The following ZNF182 variants were observed in gnomAD, a reference collection of about 807,000 sequenced individuals.
ZNF182 encodes the protein zinc finger protein 182.
ZNF182 carries 10 observed loss-of-function variants against 28.1 expected under a neutral mutation model. The ratio of observed to expected loss-of-function variants is 0.36; its 90% CI spans 0.22 to 0.60. The LOEUF is 0.60. Ranked by LOEUF, ZNF182 falls within the 20% of genes least tolerant of loss-of-function variation. The probability of loss-of-function intolerance (pLI) is 0.75; values close to 1 mark genes in which losing one functional copy is unlikely to be tolerated. For missense variants in ZNF182, 352 were observed against 453.2 expected, an observed-to-expected ratio of 0.78 and a Z score of 2.03; for synonymous variants, 156 against 158.7, an observed-to-expected ratio of 0.98 and a Z score of 0.13.
At chrX:47,995,337 T>TA (rs1388734394) in intron 3 of ZNF182, among the ~76,000 whole-genome samples, 10 of 109,403 alleles carry the variant, frequency 9.1e-5, no homozygotes, top group African/African-American at 2.7e-4. Context: ...GTCTCAAAAA[T>TA]AAAAAAAAGA....
intron 3 of ZNF182, among the ~76,000 whole-genome samples, chrX:47,991,427 T>C (rs1359863210): frequency 2.7e-5 from 3 of 112,269 alleles, no homozygotes; most frequent in Non-Finnish European, 5.6e-5. Context: ...AAATGACTAA[T>C]ACAATAATCT....
At chrX:47,980,484 T>C (rs1556898977) in intron 5 of ZNF182, among the ~76,000 whole-genome samples, 1 of 112,112 alleles carries the variant, frequency 8.9e-6, no homozygotes, top group African/African-American at 3.2e-5. Context: ...ATATTTGATG[T>C]GATGAATATA....
At chrX:47,988,162 C>T (rs888273924) in intron 3 of ZNF182, among the ~76,000 whole-genome samples, 1 of 110,531 alleles carries the variant, frequency 9.0e-6, no homozygotes, top group Non-Finnish European at 1.9e-5. Flanking sequence ...ACTAAAAATA[C>T]AAAAATTAGC....
At chrX:47,987,752 C>T (rs1191746809) in intron 3 of ZNF182, among the ~76,000 whole-genome samples, 1 of 111,794 alleles carries the variant, frequency 8.9e-6, no homozygotes, top group African/African-American at 3.3e-5. Context: ...ACCGAAAGGG[C>T]CTAGAAGTAA....
chrX:47,982,465 T>C lies in ZNF182; in HGVS notation c.232+484A>G, dbSNP rs2058909252. On this transcript the variant is annotated intron_variant, in intron 5 of 5. Transcript: ENST00000376943. ...CTTCAAAAGGGTGAATTTTATGATATGTGAATTATATCTCAATAAAGCTAC... is the reference window on the plus strand; with the variant it reads ...CTTCAAAAGGGTGAATTTTATGATACGTGAATTATATCTCAATAAAGCTAC... Among the ~76,000 whole-genome samples the C allele has an allele frequency of 2.7e-5, 3 of 112,310 alleles. No homozygotes were observed. The Admixed American group carries it at 2.8e-4, about 11-fold the overall frequency.
chrX:47,994,276 G>A (rs920431105), intron 3 of ZNF182, among the ~76,000 whole-genome samples: 5 of 112,398 alleles, frequency 4.4e-5, no homozygotes, highest in African/African-American at 1.3e-4. Context: ...AACAAAAAGG[G>A]ACTGTCTACC....
chrX:47,990,989 GAACA>G (rs2058939533), intron 3 of ZNF182, among the ~76,000 whole-genome samples: 1 of 111,688 alleles, frequency 9.0e-6, no homozygotes, highest in Non-Finnish European at 1.9e-5. Flanking sequence ...ATCAATAAGG[GAACA>G]AATAAAAGAA....
Position 47,983,277 on chromosome X carries a change from A to T in ZNF182, c.142+8T>A, listed in dbSNP as rs782331652. On this transcript the variant is annotated splice_region_variant and intron_variant, in intron 4 of 5. Transcript: ENST00000376943. ...AACTGCAAAATTACCTAAGGAAGCTATTCTTACCCACAAAGACCAAGTTGC... is the reference window on the plus strand; with the variant it reads ...AACTGCAAAATTACCTAAGGAAGCTTTTCTTACCCACAAAGACCAAGTTGC... 8.3e-7 allele frequency: 1 copy of T among 1,211,390 alleles called. No homozygotes were observed. Among genetic ancestry groups the T allele is most frequent in the Non-Finnish European group, 1.1e-6 (1 of 895,358 alleles).
Position 47,977,011 on chromosome X carries a change from A to C in ZNF182, c.1019T>G (p.Leu340Arg). 7.5e-6 allele frequency: 9 copies of C among 1,204,333 alleles called. No individual in the cohort carries two copies. Among genetic ancestry groups the C allele is most frequent in the Non-Finnish European group, 1.0e-5 (9 of 892,843 alleles). ...TKCGESFIQKLDLIIHHSTHT... is the reference protein window; with the variant it reads ...TKCGESFIQKRDLIIHHSTHT... ...GGTACTATGATGTATAATTAGATCA[A>C]GCTTCTGTATGAAAGATTCTCCACA... The change falls in exon 6 of 6, where the codon CTT becomes CGT. Residue 340 changes from leucine (L) to arginine (R), a missense_variant. Physicochemically the swap from Leu to Arg is moderately radical, Grantham distance 102. Coordinates refer to ENST00000376943, the MANE Select transcript of ZNF182 (RefSeq NM_001007088.2).
chrX:47,999,362 C>A (rs868974432), intron 3 of ZNF182, among the ~76,000 whole-genome samples: 1 of 85,306 alleles, frequency 1.2e-5, no homozygotes, highest in African/African-American at 4.3e-5. Flanking sequence ...GACTCCATCT[C>A]AAAAAAAAAA....
intron 3 of ZNF182, among the ~76,000 whole-genome samples, chrX:47,997,761 C>T (rs782330413): frequency 4.5e-5 from 5 of 111,098 alleles, no homozygotes; most frequent in African/African-American, 6.6e-5. Flanking sequence ...CACTACGCTC[C>T]AGCCTGGGTG....
chrX:47,984,751 C>CA (rs1239212576), intron 3 of ZNF182, among the ~76,000 whole-genome samples: 3 of 111,676 alleles, frequency 2.7e-5, no homozygotes, highest in African/African-American at 9.8e-5. Flanking sequence ...AAAATATCTG[C>CA]AAATCAAATA....
chrX:47,991,248 T>C (rs1403105833), intron 3 of ZNF182, among the ~76,000 whole-genome samples: 3 of 111,269 alleles, frequency 2.7e-5, no homozygotes, highest in East Asian at 2.8e-4. Context: ...AGATAGGCCA[T>C]GTGAGGCCAC....
intron 3 of ZNF182, among the ~76,000 whole-genome samples, chrX:47,989,310 C>T (rs2058933201): frequency 9.0e-6 from 1 of 110,505 alleles, no homozygotes; most frequent in East Asian, 2.8e-4. Context: ...ACCTGTAATC[C>T]CAGTTACTTG....
chrX:48,003,306 T>C (rs1556902138), intron 2 of ZNF182, among the ~76,000 whole-genome samples: 2 of 112,670 alleles, frequency 1.8e-5, no homozygotes, highest in Non-Finnish European at 3.7e-5. Context: ...ATTTTCTTTT[T>C]CTCTATTTCA....
Position 47,982,987 on chromosome X carries a change from C to A in ZNF182, c.194G>T (p.Cys65Phe). 8.3e-7 allele frequency: 1 copy of A among 1,211,430 alleles called. No homozygotes were observed. The highest frequency in any genetic ancestry group is 1.1e-6 in the Non-Finnish European group (1 of 895,395). Reference sequence around the variant, plus strand: ...AAATGGGATTTTTCCTTCTGCCGGGCATTCTTCTACCTCCAACTTGAGGAT... The same window carrying A: ...AAATGGGATTTTTCCTTCTGCCGGGAATTCTTCTACCTCCAACTTGAGGAT... ...NLILKLEVEE[C>F]PAEGKIPFWN... The change falls in exon 5 of 6, where the codon TGC becomes TTC. Residue 65 changes from cysteine (C) to phenylalanine (F), a missense_variant. Coordinates refer to ENST00000376943, the MANE Select transcript of ZNF182 (RefSeq NM_001007088.2).
intron 3 of ZNF182, among the ~76,000 whole-genome samples, chrX:47,987,198 C>A (rs186951579): frequency 1.2e-4 from 14 of 112,161 alleles, no homozygotes; most frequent in Non-Finnish European, 1.9e-5. Context: ...TTAGACCAAA[C>A]ATACCAGCCA....
At position 47,975,612 on chromosome X, in the gene ZNF182, AG is replaced by A. The variant is rs2058880423; in HGVS notation, c.*554del. 9.1e-6 allele frequency: 1 copy of A among 109,653 alleles called. No individual in the cohort carries two copies. The highest frequency in any genetic ancestry group is 1.9e-5 in the Non-Finnish European group (1 of 52,637). 9.0% of individuals were successfully genotyped at this position (109,653 alleles called of 1,213,427 possible). ...CAAGTCAGTAAATAGGGGCAGCTGT[AG>A]GGCTCTTCACAAGGAAAAGTCCCTT... is the stretch of plus-strand genomic sequence containing the variant. On this transcript the variant is annotated 3_prime_UTR_variant, in exon 6 of 6. Coordinates refer to ENST00000376943, the MANE Select transcript of ZNF182 (RefSeq NM_001007088.2).
In ZNF182 at chrX:47,983,793, C is replaced by A. The variant is rs188979613; in HGVS notation, c.16-382G>T. ...CTATATGGAGAAAATGAAATTTAACCCCTCTAGCCACACATAAAAATCAGC... is the reference window on the plus strand; with the variant it reads ...CTATATGGAGAAAATGAAATTTAACACCTCTAGCCACACATAAAAATCAGC... On this transcript the variant is annotated intron_variant, in intron 3 of 5. Transcript: ENST00000376943. 3.4e-4 allele frequency among the ~76,000 whole-genome samples: 38 copies of A among 111,343 alleles called. 1 individual carries two copies. Among genetic ancestry groups the A allele is most frequent in the South Asian group, 1.5e-3 (4 of 2,688 alleles).
Sources: gnomAD v4.1 joint callset for allele counts (sites outside exome capture counted in the v4.1 genomes callset) on GRCh38, gnomAD v4.1.1 for gene constraint, MANE v1.5 for transcripts, NCBI Gene and HGNC (gene_info 2026-07-23, HGNC 2026-07-21) for gene names.